SAMD9: variants seen among roughly 807,000 people sequenced by gnomAD.
The protein encoded by SAMD9 is sterile alpha motif domain-containing protein 9.
A neutral mutation model predicts 1.5 loss-of-function variants in SAMD9; 3 were observed. That is an observed-to-expected ratio of 2.05 (90% CI 0.93 to 5.29). The LOEUF (loss-of-function observed/expected upper bound fraction) is 5.29. Ranked by LOEUF, SAMD9 falls within the 30% of genes most tolerant of loss-of-function variation. The probability of loss-of-function intolerance (pLI) is 0.02; values close to 1 mark genes in which losing one functional copy is unlikely to be tolerated. For synonymous variants in SAMD9, 635 were observed against 631.9 expected, an observed-to-expected ratio of 1.00 and a Z score of -0.07; for missense variants, 1,597 against 1,820.8, an observed-to-expected ratio of 0.88 and a Z score of 2.24.
At chr7:93,114,289 G>A (rs1791797368) in intron 2 of SAMD9, among the ~76,000 whole-genome samples, 1 of 146,252 alleles carries the variant, frequency 6.8e-6, no homozygotes, top group Admixed American at 6.9e-5. Context: ...ATCACACACT[G>A]GGGCCTGTTG....
At chr7:93,108,334 G>A (rs1380706342) in intron 2 of SAMD9, among the ~76,000 whole-genome samples, 1 of 152,108 alleles carries the variant, frequency 6.6e-6, no homozygotes, top group Non-Finnish European at 1.5e-5. Context: ...GCACAGGGCC[G>A]GGTTCCAAGA....
In SAMD9 at chr7:93,101,109, G is replaced by A. The variant is rs2116411159; in HGVS notation, c.*219C>T. On this transcript the variant is annotated 3_prime_UTR_variant, in exon 3 of 3. Coordinates refer to ENST00000379958, the MANE Select transcript of SAMD9 (RefSeq NM_017654.4). ...CATCAATGATGTTAACCAAACCAAGGAACATATTTGCTACTTTTCATATAT... is the reference window on the plus strand; with the variant it reads ...CATCAATGATGTTAACCAAACCAAGAAACATATTTGCTACTTTTCATATAT... The A allele has an allele frequency of 1.8e-6, 1 of 568,362 alleles. No homozygotes were observed. 35.2% of individuals were successfully genotyped at this position (568,362 alleles called of 1,614,324 possible). A position where few individuals can be genotyped will look rare whatever the true frequency, so the allele number is the denominator to read the frequency against.
rs149202937 is a variant in SAMD9, at chr7:93,103,731, C to A, written c.2367G>T (p.Gln789His). ...SLITYGAMNRQEYVPVLLLVD... is the reference protein window; with the variant it reads ...SLITYGAMNRHEYVPVLLLVD... ...CAAGGAGTAGTACAGGTACGTATTCCTGACGGTTCATTGCCCCATAGGTGA... is the reference window on the plus strand; with the variant it reads ...CAAGGAGTAGTACAGGTACGTATTCATGACGGTTCATTGCCCCATAGGTGA... Residue 789 changes from glutamine to histidine, a missense_variant, in exon 3 of 3, where the codon CAG becomes CAT. This residue lies in a region of SAMD9 where 358 missense variants were observed against 460.4 expected (regional missense o/e 0.78). Transcript: ENST00000379958. The A allele has an allele frequency of 2.5e-6, 4 of 1,613,868 alleles. No homozygotes were observed. Among genetic ancestry groups the A allele is most frequent in the Non-Finnish European group, 3.4e-6 (4 of 1,179,814 alleles).
rs1282838740 is a variant in SAMD9 at position 93,104,317 on chromosome 7, A to C, written c.1781T>G (p.Leu594Ter). ...TGAAATTTCATCTTGGTGTTTTATT[A>C]ATCTTGCTTCAAGTAGATCTTTCCA... ...QGWKDLLEAR[L>*]IKHQDEISSQ... The change falls in exon 3 of 3, where the codon TTA (leucine) becomes TGA (stop). Residue 594 changes from leucine (L) to a stop codon, truncating the protein, a stop_gained. Transcript: ENST00000379958. LOFTEE classifies it low-confidence loss of function (END_TRUNC). The C allele has an allele frequency of 1.2e-6, 2 of 1,613,636 alleles. No homozygotes were observed. Among genetic ancestry groups the C allele is most frequent in the Non-Finnish European group, 1.7e-6 (2 of 1,179,712 alleles).
At chr7:93,114,692 G>A (rs1791805758) in intron 2 of SAMD9, 103 bp downstream of exon 2, 1 of 151,974 alleles carries the variant, frequency 6.6e-6, no homozygotes, top group African/African-American at 2.4e-5. Context: ...AAAGAAAGGT[G>A]GCACAAATAA....
Position 93,103,169 on chromosome 7 carries a change from TCCCA to T in SAMD9, c.2925_2928del (p.Cys975Ter). On this transcript the variant is annotated frameshift_variant, in exon 3 of 3. Transcript: ENST00000379958. LOFTEE classifies it low-confidence loss of function (END_TRUNC). ...TGAATGATGCGTACTCCACAGTAGT[TCCCA>T]CATTCGATGACCTCTGTTTTTATCA... The T allele has an allele frequency of 5.0e-6, 8 of 1,613,888 alleles. No individual in the cohort carries two copies. Among genetic ancestry groups the T allele is most frequent in the Non-Finnish European group, 5.9e-6 (7 of 1,179,792 alleles).
At chr7:93,109,435 C>T (rs1441345834) in intron 2 of SAMD9, among the ~76,000 whole-genome samples, 1 of 151,812 alleles carries the variant, frequency 6.6e-6, no homozygotes, top group Non-Finnish European at 1.5e-5. Flanking sequence ...AGCAACGGAA[C>T]AAAGCTGGAC....
chr7:93,104,684 G>A lies in SAMD9; in HGVS notation c.1414C>T (p.Gln472Ter), dbSNP rs1005428790. 8.7e-6 allele frequency: 14 copies of A among 1,614,044 alleles called. No individual in the cohort carries two copies. In the Admixed American group the frequency reaches 2.2e-4, roughly 25 times the overall value. The change falls in exon 3 of 3, where the codon CAG becomes TAG. Residue 472 changes from glutamine to a stop codon, truncating the protein, a stop_gained. Transcript: ENST00000379958. LOFTEE classifies it low-confidence loss of function (END_TRUNC). ...NLHFPSVYVE[Q>*]KTTPNETIST... is the part of the protein sequence containing the mutation. ...ATCGTCTCATTTGGTGTGGTTTTCT[G>A]TTCTACATATACACTTGGAAAGTGA...
intron 2 of SAMD9, among the ~76,000 whole-genome samples, chr7:93,109,422 G>C (rs368045999): frequency 6.6e-6 from 1 of 152,100 alleles, no homozygotes; most frequent in South Asian, 2.1e-4. Flanking sequence ...GCAACTCCTC[G>C]CCAGCAACGG....
chr7:93,110,477 T>C (rs1198292955), intron 2 of SAMD9, among the ~76,000 whole-genome samples: 2 of 152,166 alleles, frequency 1.3e-5, no homozygotes, highest in Non-Finnish European at 2.9e-5. Context: ...TAAATGTAAA[T>C]GGGCTAAATG....
chr7:93,104,136 A>C lies in SAMD9; in HGVS notation c.1962T>G (p.Ile654Met). ...KEEDIMTALEIICENECEGTL... is the reference protein window; with the variant it reads ...KEEDIMTALEMICENECEGTL... ...TACCCTCACATTCATTTTCACAGAT[A>C]ATTTCCAGAGCAGTCATGATATCTT... The change falls in exon 3 of 3, where the codon ATT becomes ATG. Residue 654 changes from isoleucine (I) to methionine (M), a missense_variant. Ile to Met is a conservative substitution (Grantham distance 10). Around this residue, in one of 6 missense-constraint regions of SAMD9, gnomAD observed 358 missense variants for 460.4 expected, o/e 0.78. Coordinates refer to ENST00000379958, the MANE Select transcript of SAMD9 (RefSeq NM_017654.4). The C allele has an allele frequency of 6.2e-7, 1 of 1,613,924 alleles. No homozygotes were observed. Among genetic ancestry groups the C allele is most frequent in the Non-Finnish European group, 8.5e-7 (1 of 1,179,864 alleles).
In SAMD9 at chr7:93,101,400, G is replaced by T; in HGVS notation, c.4698C>A (p.Ser1566Arg). 6.2e-7 allele frequency: 1 copy of T among 1,613,758 alleles called. No individual in the cohort carries two copies. The highest frequency in any genetic ancestry group is 8.5e-7 in the Non-Finnish European group (1 of 1,179,734). The change falls in exon 3 of 3, where the codon AGC becomes AGA. Residue 1566 changes from serine (S) to arginine (R), a missense_variant. By Grantham distance (110) the Ser-to-Arg change is moderately radical. Around this residue, in one of 6 missense-constraint regions of SAMD9, gnomAD observed 682 missense variants for 810.0 expected, o/e 0.84. Transcript: ENST00000379958. ...CCAGGTAAAAAGACACCTTCTCTAT[G>T]CTTCTGCCACTTCTAAGTTGACCTA... is the stretch of plus-strand genomic sequence containing the variant. ...AFLGQLRSGR[S>R]IEKVSFYLGF...
Position 93,104,720 on chromosome 7 carries a change from C to T in SAMD9, c.1378G>A (p.Val460Ile). The change falls in exon 3 of 3, where the codon GTA (valine) becomes ATA (isoleucine). Residue 460 changes from valine to isoleucine, a missense_variant. Physicochemically the swap from Val to Ile is conservative, Grantham distance 29. Transcript: ENST00000379958. ...ACACTTGGAAAGTGAAGGTTTGCTA[C>T]TCGGCTTTCTTTGTAAGCTTTGACC... Reference protein sequence around the residue: ...GVVKAYKESRVANLHFPSVYV... With the variant: ...GVVKAYKESRIANLHFPSVYV... The T allele has an allele frequency of 1.2e-6, 2 of 1,614,016 alleles. No homozygotes were observed. Among genetic ancestry groups the T allele is most frequent in the Middle Eastern group, 1.7e-4 (1 of 6,060 alleles).
chr7:93,109,641 C>A (rs1036778101), intron 2 of SAMD9, among the ~76,000 whole-genome samples: 1 of 152,128 alleles, frequency 6.6e-6, no homozygotes, highest in Non-Finnish European at 1.5e-5. Context: ...AACCATGGCA[C>A]AAGAACTACG....
At chr7:93,106,243 T>G (rs1199576701) in intron 2 of SAMD9, 138 bp from the exon 3 acceptor site, 5 of 509,016 alleles carry the variant, frequency 9.8e-6, no homozygotes, top group Non-Finnish European at 1.6e-5. Context: ...CTTGAGAGAA[T>G]GTGACTATTG....
intron 2 of SAMD9, among the ~76,000 whole-genome samples, chr7:93,111,328 C>G (rs1004964306): frequency 2.0e-5 from 3 of 152,134 alleles, no homozygotes; most frequent in South Asian, 2.1e-4. Context: ...GAAATTTATA[C>G]CACTAAATGC....
chr7:93,106,959 C>A (rs1791657123), intron 2 of SAMD9, among the ~76,000 whole-genome samples: 1 of 152,156 alleles, frequency 6.6e-6, no homozygotes, highest in African/African-American at 2.4e-5. Flanking sequence ...ACTTGCACAA[C>A]TCAGGTAATG....
intron 2 of SAMD9, among the ~76,000 whole-genome samples, chr7:93,111,821 C>G (rs1050173802): frequency 6.6e-6 from 1 of 152,050 alleles, no homozygotes; most frequent in Non-Finnish European, 1.5e-5. Flanking sequence ...AATTAATAGC[C>G]TACCAACCAA....
At chr7:93,107,516 T>C (rs1791666446) in intron 2 of SAMD9, among the ~76,000 whole-genome samples, 1 of 152,352 alleles carries the variant, frequency 6.6e-6, no homozygotes, top group South Asian at 2.1e-4. Flanking sequence ...GCTTTAAGTA[T>C]GATCCAAAAT....
Sources: gnomAD v4.1 joint callset for allele counts (sites outside exome capture counted in the v4.1 genomes callset) on GRCh38, gnomAD v4.1.1 for gene constraint, gnomAD v4.1.1 regional missense constraint, MANE v1.5 for transcripts, NCBI Gene and HGNC (gene_info 2026-07-23, HGNC 2026-07-21) for gene names.